ANKHD1: variants seen among roughly 807,000 people sequenced by gnomAD.
The protein encoded by ANKHD1 is ankyrin repeat and KH domain-containing protein 1.
A neutral mutation model predicts 230.5 loss-of-function variants in ANKHD1; 31 were observed. That is an observed-to-expected ratio of 0.13 (90% CI 0.10 to 0.18). The LOEUF is 0.18. Among genes scored for constraint, ANKHD1 ranks in the 10% least tolerant of loss-of-function variants. The pLI, the probability that ANKHD1 is intolerant of heterozygous loss-of-function variation, is 1.00. For missense variants in ANKHD1, 2,256 were observed against 3,071.3 expected (o/e 0.73, Z 6.27); for synonymous variants, 1,074 against 1,117.6 (o/e 0.96, Z 0.78).
chr5:140,538,183 G>A lies in ANKHD1; in HGVS notation c.7326G>A (p.Glu2442=), dbSNP rs369295967. 7.4e-6 allele frequency: 12 copies of A among 1,614,080 alleles called. No homozygotes were observed. In the South Asian group the frequency reaches 1.2e-4, roughly 16 times the overall value. ...CATTCTCCCAACATCAGCCAATGGA[G>A]AGAGATGATTCTGGAATGGTAGCCC... ...PSTFSQHQPM[E]RDDSGMVAPS... is the part of the protein sequence containing the mutation. Residue 2442 remains glutamate, a synonymous_variant, in exon 32 of 34, where the codon GAG becomes GAA. Coordinates refer to ENST00000360839, the MANE Select transcript of ANKHD1 (RefSeq NM_017747.3).
chr5:140,539,311 T>C (rs1270926329), intron 33 of ANKHD1, 48 bp from the exon 34 acceptor site: 4 of 1,611,994 alleles, frequency 2.5e-6, no homozygotes, highest in Non-Finnish European at 3.4e-6. Flanking sequence ...TTTGTAACTG[T>C]CTAAAGATTC....
At chr5:140,439,995 A>T in intron 3 of ANKHD1, 124 bp from the exon 4 acceptor site, 2 of 1,207,234 alleles carry the variant, frequency 1.7e-6, no homozygotes, top group Non-Finnish European at 2.2e-6. Context: ...TAATATGTTC[A>T]TATAATTTTT....
Position 140,435,381 on chromosome 5 carries a change from C to CT in ANKHD1, c.307-710dup, listed in dbSNP as rs571779859. 2.3e-3 allele frequency among the ~76,000 whole-genome samples: 323 copies of CT among 140,014 alleles called. 4 individuals carry two copies. Among genetic ancestry groups the CT allele is most frequent in the South Asian group, 0.016 (72 of 4,418 alleles). The allele number at this position is 140,014 out of a possible 152,430, so 91.9% of individuals were successfully genotyped here. ...TACTTGTTTCAATAAAAAGTAAATG[C>CT]TTTTTTTTTTTTTGAGATGGAGTTT... On this transcript the variant is annotated intron_variant, in intron 1 of 33. Transcript: ENST00000360839.
chr5:140,482,465 C>T (rs2127014014), intron 10 of ANKHD1, 115 bp from the exon 11 acceptor site: 6 of 1,171,618 alleles, frequency 5.1e-6, no homozygotes, highest in Non-Finnish European at 7.0e-6. Flanking sequence ...TATAAAGTGT[C>T]TACAATGAGT....
In ANKHD1 at chr5:140,464,705, G is replaced by T. The variant is rs1176441653; in HGVS notation, c.1711G>T (p.Ala571Ser). 5.6e-6 allele frequency: 9 copies of T among 1,606,922 alleles called. No homozygotes were observed. Among genetic ancestry groups the T allele is most frequent in the Admixed American group, 1.7e-5 (1 of 59,896 alleles). Residue 571 changes from alanine to serine, a missense_variant, in exon 10 of 34, where the codon GCC (alanine) becomes TCC (serine). By Grantham distance (99) the Ala-to-Ser change is moderately conservative. Transcript: ENST00000360839. ...VHATTATGDTALTYACENGHT... is the reference protein window; with the variant it reads ...VHATTATGDTSLTYACENGHT... ...TGCTACAACAGCAACAGGAGACACA[G>T]CCTTAACCTATGCTTGTGAAAATGG...
intron 1 of ANKHD1, among the ~76,000 whole-genome samples, chr5:140,415,501 C>T (rs767174165): frequency 3.6e-4 from 50 of 138,750 alleles, no homozygotes; most frequent in Middle Eastern, 5.1e-3. Context: ...TACAATGGTG[C>T]GATCTCGGCT....
intron 14 of ANKHD1, 137 bp from the exon 15 acceptor site, chr5:140,496,383 A>T: frequency 1.1e-6 from 1 of 886,320 alleles, no homozygotes; most frequent in Non-Finnish European, 1.6e-6. Context: ...TCATTCTATA[A>T]CATTAGTTAT....
intron 10 of ANKHD1, among the ~76,000 whole-genome samples, chr5:140,478,567 T>C (rs1307967148): frequency 6.6e-6 from 1 of 152,156 alleles, no homozygotes; most frequent in African/African-American, 2.4e-5. Context: ...GAATCAGTAG[T>C]TTACCCATAT....
chr5:140,438,232 T>C (rs956725655), intron 2 of ANKHD1, among the ~76,000 whole-genome samples: 1 of 152,220 alleles, frequency 6.6e-6, no homozygotes, highest in African/African-American at 2.4e-5. Flanking sequence ...ATTAATATTA[T>C]GTGCATTGTA....
chr5:140,405,767 G>A (rs1437779850), intron 1 of ANKHD1, among the ~76,000 whole-genome samples: 1 of 151,912 alleles, frequency 6.6e-6, no homozygotes, highest in African/African-American at 2.4e-5. Context: ...TGAGTAGCTG[G>A]GATTACAGAT....
At chr5:140,484,935 C>A in intron 11 of ANKHD1, 186 bp from the exon 12 acceptor site, 1 of 956,454 alleles carries the variant, frequency 1.0e-6, no homozygotes, top group Non-Finnish European at 1.4e-6. Flanking sequence ...TGTTCTGTTT[C>A]TTCCTCTGGG....
rs779799189 is a variant in ANKHD1 at position 140,505,801 on chromosome 5, A to G, written c.3340A>G (p.Ile1114Val). ...AATCCTTTTGGATAAAGGTGGAGAT[A>G]TAGAAGCACAGTCTGAACGAACTAA... ...VEILLDKGGD[I>V]EAQSERTKDT... The change falls in exon 18 of 34, where the codon ATA (isoleucine) becomes GTA (valine). Residue 1114 changes from isoleucine to valine, a missense_variant. Coordinates refer to ENST00000360839, the MANE Select transcript of ANKHD1 (RefSeq NM_017747.3). 6.2e-7 allele frequency: 1 copy of G among 1,613,084 alleles called. No individual in the cohort carries two copies. Among genetic ancestry groups the G allele is most frequent in the South Asian group, 1.1e-5 (1 of 90,932 alleles).
Position 140,491,139 on chromosome 5 carries a change from C to CACACATAT in ANKHD1, c.2245+4080_2245+4081insCACATATA, listed in dbSNP as rs1460352213. ...ACACACATATATATATATATATACACATATATATATATATATATATATTTT... is the reference window on the plus strand; with the variant it reads ...ACACACATATATATATATATATACACACACATATATATATATATATATATATATATTTT... On this transcript the variant is annotated intron_variant, in intron 14 of 33. Coordinates refer to ENST00000360839, the MANE Select transcript of ANKHD1 (RefSeq NM_017747.3). Among the ~76,000 whole-genome samples the CACACATAT allele has an allele frequency of 8.8e-3, 497 of 56,274 alleles. 14 individuals are homozygous for CACACATAT. The highest frequency in any genetic ancestry group is 0.021 in the African/African-American group (345 of 16,120). The allele number at this position is 56,274 out of a possible 152,430, so 36.9% of individuals were successfully genotyped here.
At chr5:140,427,333 C>T (rs1402109450) in intron 1 of ANKHD1, among the ~76,000 whole-genome samples, 9 of 142,984 alleles carry the variant, frequency 6.3e-5, no homozygotes, top group African/African-American at 2.3e-4. Context: ...CCGACCCCCC[C>T]ACCTCCCTCC....
At position 140,529,569 on chromosome 5, in the gene ANKHD1, C is replaced by T. The variant is rs1753727614; in HGVS notation, c.6623C>T (p.Thr2208Ile). The part of the protein sequence containing the change: ...KSLPPTFGPA[T>I]LFNHFSSLFD... ...TTGCCACCTACATTTGGCCCAGCCA[C>T]ACTTTTCAATCACTTCAGCAGTCTT... The change falls in exon 29 of 34, where the codon ACA (threonine) becomes ATA (isoleucine). Residue 2208 changes from threonine (T) to isoleucine (I), a missense_variant. Physicochemically the swap from Thr to Ile is moderately conservative, Grantham distance 89 (BLOSUM62 -1). Transcript: ENST00000360839. The T allele has an allele frequency of 6.2e-7, 1 of 1,614,254 alleles. No homozygotes were observed. The highest frequency in any genetic ancestry group is 8.5e-7 in the Non-Finnish European group (1 of 1,180,050).
chr5:140,528,655 C>A lies in ANKHD1; in HGVS notation c.5709C>A (p.Ser1903Arg). ...VRPVNPGNTNSSPKHNNTSRL... is the reference protein window; with the variant it reads ...VRPVNPGNTNRSPKHNNTSRL... ...CTGTGAATCCTGGCAACACAAATAG[C>A]TCTCCAAAGCATAATAACACAAGCC... is the stretch of plus-strand genomic sequence containing the variant. Residue 1903 changes from serine to arginine, a missense_variant, in exon 29 of 34, where the codon AGC becomes AGA. Transcript: ENST00000360839. 1.2e-6 allele frequency: 2 copies of A among 1,614,142 alleles called. No individual in the cohort carries two copies. The highest frequency in any genetic ancestry group is 4.5e-5 in the East Asian group (2 of 44,876).
chr5:140,530,074 TTG>T (rs2127090290), intron 29 of ANKHD1, among the ~76,000 whole-genome samples: 1 of 152,298 alleles, frequency 6.6e-6, no homozygotes, highest in East Asian at 1.9e-4. Flanking sequence ...TAGTGATTGT[TTG>T]CATTTCTTAG....
At chr5:140,501,093 G>GTTTTTTTTTTTTTT (rs1561804165) in intron 15 of ANKHD1, among the ~76,000 whole-genome samples, 1 of 147,698 alleles carries the variant, frequency 6.8e-6, no homozygotes. Context: ...TTATTTATAG[G>GTTTTTTTTTTTTTT]TTTTTGTTTT....
Position 140,496,928 on chromosome 5 carries a change from A to T in ANKHD1, c.2654A>T (p.Asp885Val), listed in dbSNP as rs763885319. The stretch of plus-strand genomic sequence containing the variant: ...GGAGTCTTCCCAGAAGGGGAAGGAG[A>T]TGGTAGTCTCCCAGAGGATCACTTT... ...HRGVFPEGEG[D>V]GSLPEDHFSE... Residue 885 changes from aspartate (D) to valine (V), a missense_variant, in exon 15 of 34, where the codon GAT becomes GTT. Around this residue, in one of 13 missense-constraint regions of ANKHD1, gnomAD observed 358 missense variants for 397.7 expected, o/e 0.90. Transcript: ENST00000360839. 30 of 1,614,088 alleles carry T rather than the reference A, an allele frequency of 1.9e-5. No individual in the cohort carries two copies. In the South Asian group the frequency reaches 3.2e-4, roughly 17 times the overall value.
Sources: gnomAD v4.1 joint callset for allele counts (sites outside exome capture counted in the v4.1 genomes callset) on GRCh38, gnomAD v4.1.1 for gene constraint, gnomAD v4.1.1 regional missense constraint, MANE v1.5 for transcripts, NCBI Gene and HGNC (gene_info 2026-07-23, HGNC 2026-07-21) for gene names.